Variants in ANKFN1 observed in about 807,000 individuals in gnomAD.
The protein encoded by ANKFN1 is ankyrin repeat and fibronectin type III domain containing 1.
A neutral mutation model predicts 108.7 loss-of-function variants in ANKFN1; 74 were observed. That is an observed-to-expected ratio of 0.68 (90% CI 0.56 to 0.83). The LOEUF (loss-of-function observed/expected upper bound fraction) is 0.83, where lower values mean the gene tolerates loss of function less well. Among genes scored for constraint, ANKFN1 ranks in the 40% least tolerant of loss-of-function variants. The pLI, the probability that ANKFN1 is intolerant of heterozygous loss-of-function variation, is 0.00. For synonymous variants in ANKFN1, 547 were observed against 516.2 expected (o/e 1.06, Z -0.81); for missense variants, 1,505 against 1,382.3 (o/e 1.09, Z -1.41).
intron 4 of ANKFN1, among the ~76,000 whole-genome samples, chr17:56,350,000 T>C (rs1352635186): frequency 3.9e-5 from 6 of 152,158 alleles, no homozygotes; most frequent in African/African-American, 1.4e-4. Flanking sequence ...CCCACAGTTA[T>C]TGTGGATGGC....
At chr17:56,123,691 A>G (rs1252984555) in intron 4 of ANKFN1, among the ~76,000 whole-genome samples, 2 of 152,128 alleles carry the variant, frequency 1.3e-5, no homozygotes, top group Non-Finnish European at 2.9e-5. Context: ...AGGAGTAATT[A>G]GGTGTAAAGA....
chr17:56,104,209 A>G (rs1463018217), intron 4 of ANKFN1, among the ~76,000 whole-genome samples: 2 of 152,234 alleles, frequency 1.3e-5, no homozygotes, highest in African/African-American at 2.4e-5. Context: ...GATTGTATAC[A>G]CATACACTCA....
chr17:56,292,133 G>C (rs1041352584), intron 3 of ANKFN1, among the ~76,000 whole-genome samples: 2 of 152,112 alleles, frequency 1.3e-5, no homozygotes, highest in Non-Finnish European at 2.9e-5. Context: ...TGCCTCCCTC[G>C]TTTTCCTTTT....
chr17:56,334,920 A>G (rs1598421108), intron 4 of ANKFN1, among the ~76,000 whole-genome samples: 1 of 152,130 alleles, frequency 6.6e-6, no homozygotes, highest in Non-Finnish European at 1.5e-5. Context: ...TAAGGAAGGG[A>G]TCCAGTTTCA....
At chr17:56,489,163 T>G (rs1468415550) in intron 18 of ANKFN1, among the ~76,000 whole-genome samples, 1 of 152,170 alleles carries the variant, frequency 6.6e-6, no homozygotes, top group Non-Finnish European at 1.5e-5. Flanking sequence ...GATGCCAACC[T>G]TATGTTAGTC....
chr17:56,314,148 G>T (rs1173956300), intron 3 of ANKFN1, among the ~76,000 whole-genome samples: 1 of 152,178 alleles, frequency 6.6e-6, no homozygotes, highest in Admixed American at 6.5e-5. Flanking sequence ...TCCATAGAAT[G>T]AATATACCAC....
At chr17:56,359,715 C>T (rs1340920295) in intron 6 of ANKFN1, among the ~76,000 whole-genome samples, 2 of 152,086 alleles carry the variant, frequency 1.3e-5, no homozygotes, top group South Asian at 2.1e-4. Flanking sequence ...GTAAGGGGTT[C>T]GTGTTTGTGC....
chr17:56,152,128 TA>T (rs1908669411), upstream of ANKFN1, among the ~76,000 whole-genome samples: 1 of 152,086 alleles, frequency 6.6e-6, no homozygotes, highest in East Asian at 1.9e-4. Flanking sequence ...GGAAAAACTG[TA>T]AAAAGTACTA....
intron 4 of ANKFN1, among the ~76,000 whole-genome samples, chr17:56,081,774 G>A (rs563078153): frequency 7.2e-5 from 11 of 152,168 alleles, no homozygotes; most frequent in Non-Finnish European, 1.5e-4. Context: ...AGGTAAGCAA[G>A]CACAGTGCGT....
intron 4 of ANKFN1, among the ~76,000 whole-genome samples, chr17:56,055,062 T>A (rs1336924079): frequency 6.6e-6 from 1 of 152,012 alleles, no homozygotes; most frequent in East Asian, 1.9e-4. Context: ...TTTCCTTTTT[T>A]TTTTTTCCTC....
chr17:56,306,429 A>G (rs2044828016), intron 3 of ANKFN1, among the ~76,000 whole-genome samples: 1 of 152,222 alleles, frequency 6.6e-6, no homozygotes, highest in South Asian at 2.1e-4. Flanking sequence ...CTTATACACC[A>G]ATAACAGACA....
At chr17:56,470,405 C>T (rs1217178370) in intron 15 of ANKFN1, among the ~76,000 whole-genome samples, 2 of 152,174 alleles carry the variant, frequency 1.3e-5, no homozygotes, top group Admixed American at 1.3e-4. Context: ...TTTCCACCAA[C>T]ACTGTAAAAG....
intron 6 of ANKFN1, among the ~76,000 whole-genome samples, chr17:56,368,900 A>T (rs570486324): frequency 2.6e-5 from 4 of 152,330 alleles, no homozygotes; most frequent in African/African-American, 9.6e-5. Flanking sequence ...AAGTGGCTAA[A>T]GAGCTTTGTG....
chr17:56,358,309 C>T (rs2046425476), intron 6 of ANKFN1, among the ~76,000 whole-genome samples: 1 of 152,116 alleles, frequency 6.6e-6, no homozygotes, highest in African/African-American at 2.4e-5. Flanking sequence ...CAGGAATCAC[C>T]GTGACACACA....
rs570159092 is a variant in ANKFN1, at chr17:56,079,332, A to G, written c.288+33007A>G. Among the ~76,000 whole-genome samples, 3 of 152,282 alleles carry G rather than the reference A, an allele frequency of 2.0e-5. No individual in the cohort carries two copies. In the South Asian group the frequency reaches 6.2e-4, roughly 32 times the overall value. On this transcript the variant is annotated intron_variant, in intron 4 of 12. Transcript: ENST00000635860. ...GACACTTCCATTCTGCCTCCCCACC[A>G]TACTGGCTCCAATCACATACCTAGC...
intron 3 of ANKFN1, among the ~76,000 whole-genome samples, chr17:56,243,675 G>A (rs1301827826): frequency 1.3e-5 from 2 of 152,020 alleles, no homozygotes; most frequent in Non-Finnish European, 2.9e-5. Context: ...TGGAAGCCCA[G>A]GTGGCTAAGG....
At chr17:56,467,385 T>C (rs12945783) in intron 15 of ANKFN1, among the ~76,000 whole-genome samples, 82,100 of 151,798 alleles carry the variant, frequency 0.54, 25,989 homozygotes, top group East Asian at 0.87. Context: ...ATTTTAGGAA[T>C]GAAATAACTA....
chr17:56,303,799 C>T (rs71387449), intron 3 of ANKFN1, among the ~76,000 whole-genome samples: 38 of 152,078 alleles, frequency 2.5e-4, no homozygotes, highest in African/African-American at 8.7e-4. Flanking sequence ...ATTCTCCTGC[C>T]TCAGCCTCCC....
chr17:56,177,830 G>GT (rs1911315567), intron 1 of ANKFN1, among the ~76,000 whole-genome samples: 1 of 147,980 alleles, frequency 6.8e-6, no homozygotes, highest in Admixed American at 6.7e-5. Flanking sequence ...GTTTTGTTTT[G>GT]TTTGTTTTTG....
Sources: allele counts gnomAD v4.1 joint callset (sites outside exome capture counted in the v4.1 genomes callset), GRCh38; gene constraint gnomAD v4.1.1; transcripts MANE v1.5; gene names NCBI Gene and HGNC (gene_info 2026-07-23, HGNC 2026-07-21).